RBM19: variants seen among roughly 807,000 people sequenced by gnomAD.
RBM19 encodes RNA binding motif protein 19, also known as probable RNA-binding protein 19.
RBM19 carries 94 observed loss-of-function variants against 116.8 expected under a neutral mutation model. The ratio of observed to expected loss-of-function variants is 0.80; its 90% CI spans 0.68 to 0.95. The LOEUF (loss-of-function observed/expected upper bound fraction) is 0.95. Among genes scored for constraint, RBM19 ranks in the 40% least tolerant of loss-of-function variants. The pLI is 0.00. For missense variants in RBM19, 1,161 were observed against 1,220.7 expected (o/e 0.95, Z 0.73); for synonymous variants, 475 against 494.1 (o/e 0.96, Z 0.51).
chr12:113,821,237 G>C (rs2135671201), downstream of RBM19, among the ~76,000 whole-genome samples: 1 of 152,286 alleles, frequency 6.6e-6, no homozygotes, highest in South Asian at 2.1e-4. Context: ...GGAGGTTCTA[G>C]AAGCATCCTC....
chr12:113,908,920 A>G (rs1008370976), intron 21 of RBM19, among the ~76,000 whole-genome samples: 4 of 152,246 alleles, frequency 2.6e-5, no homozygotes, highest in Admixed American at 2.6e-4. Context: ...CATGACAGTG[A>G]GCCAGTCAGA....
chr12:113,913,751 G>A (rs951608765), intron 21 of RBM19, among the ~76,000 whole-genome samples: 1 of 152,170 alleles, frequency 6.6e-6, no homozygotes, highest in South Asian at 2.1e-4. Flanking sequence ...CTTCACTCTT[G>A]GACCCTTGTG....
intron 22 of RBM19, among the ~76,000 whole-genome samples, chr12:113,851,278 C>A (rs1431168091): frequency 2.0e-5 from 3 of 152,202 alleles, no homozygotes; most frequent in African/African-American, 7.2e-5. Flanking sequence ...GACAAAGAGG[C>A]ACCTCTCCCT....
chr12:113,899,375 T>C (rs1881537344), intron 21 of RBM19, among the ~76,000 whole-genome samples: 1 of 152,168 alleles, frequency 6.6e-6, no homozygotes, highest in African/African-American at 2.4e-5. Context: ...ACCAGGTGCT[T>C]TACCAGCCTC....
intron 16 of RBM19, among the ~76,000 whole-genome samples, chr12:113,936,415 G>A (rs539089428): frequency 6.6e-6 from 1 of 152,220 alleles, no homozygotes; most frequent in Non-Finnish European, 1.5e-5. Context: ...CAAGGACTGG[G>A]GGCACTCGTG....
At chr12:113,916,325 T>G (rs1327364627) in intron 20 of RBM19, among the ~76,000 whole-genome samples, 1 of 152,170 alleles carries the variant, frequency 6.6e-6, no homozygotes, top group Non-Finnish European at 1.5e-5. Flanking sequence ...GAGAATTGCT[T>G]GAACCCAGGA....
intron 23 of RBM19, among the ~76,000 whole-genome samples, chr12:113,826,308 G>C (rs906121470): frequency 6.6e-6 from 1 of 152,220 alleles, no homozygotes; most frequent in Non-Finnish European, 1.5e-5. Flanking sequence ...ATCTGCTCTA[G>C]GAGGGCAGGG....
chr12:113,864,677 T>C (rs1386674350), intron 21 of RBM19, among the ~76,000 whole-genome samples: 1 of 152,196 alleles, frequency 6.6e-6, no homozygotes, highest in African/African-American at 2.4e-5. Context: ...CCTTCATCTA[T>C]AATGGGCAAT....
At position 113,868,201 on chromosome 12, in the gene RBM19, A is replaced by G. The variant is rs56155474; in HGVS notation, c.2559-9305T>C. On this transcript the variant is annotated intron_variant, in intron 21 of 23. Coordinates refer to ENST00000261741, the MANE Select transcript of RBM19 (RefSeq NM_016196.4). ...CTGCTTAAGGTATTTACCAAAATGT[A>G]CAAAGCTATTAAATGGTGAGACAGG... 5.8e-3 allele frequency among the ~76,000 whole-genome samples: 876 copies of G among 152,256 alleles called. 8 individuals carry two copies. The highest frequency in any genetic ancestry group is 0.02 in the African/African-American group (830 of 41,540).
At chr12:113,838,216 T>C (rs1226397958) in intron 23 of RBM19, among the ~76,000 whole-genome samples, 1 of 152,236 alleles carries the variant, frequency 6.6e-6, no homozygotes, top group African/African-American at 2.4e-5. Context: ...CCACTGAGAC[T>C]TGCCAATTCA....
intron 17 of RBM19, 69 bp from the exon 18 acceptor site, chr12:113,924,826 C>T (rs966934667): frequency 9.6e-6 from 13 of 1,348,314 alleles, no homozygotes; most frequent in East Asian, 6.9e-5. Flanking sequence ...ACCTGTCAAA[C>T]ACTATACCCC....
chr12:113,830,542 C>G (rs1269340949), intron 23 of RBM19, among the ~76,000 whole-genome samples: 1 of 119,028 alleles, frequency 8.4e-6, no homozygotes, highest in Non-Finnish European at 1.6e-5. Flanking sequence ...AGCCCTGATA[C>G]CCATGGAGTT....
chr12:113,947,147 C>A (rs3782460), intron 11 of RBM19, among the ~76,000 whole-genome samples, 187 bp downstream of exon 11: 1 of 152,058 alleles, frequency 6.6e-6, no homozygotes, highest in African/African-American at 2.4e-5. Context: ...CAGATCAGAC[C>A]GTGCCCTCAC....
intron 22 of RBM19, among the ~76,000 whole-genome samples, chr12:113,851,751 T>TA (rs398021124): frequency 1.3e-5 from 2 of 149,824 alleles, no homozygotes; most frequent in East Asian, 2.0e-4. Context: ...TTTTTTTTTT[T>TA]AATTTAAATT....
intron 22 of RBM19, among the ~76,000 whole-genome samples, chr12:113,856,551 G>C (rs1468127375): frequency 6.6e-6 from 1 of 152,178 alleles, no homozygotes; most frequent in African/African-American, 2.4e-5. Context: ...TTTGCTCTCT[G>C]CTCTCATCAA....
chr12:113,841,426 T>TC lies in RBM19; in HGVS notation c.2785+3241_2785+3242insG, dbSNP rs58788734. Among the ~76,000 whole-genome samples the TC allele has an allele frequency of 6.1e-3, 897 of 147,228 alleles. 11 individuals are homozygous for TC. The highest frequency in any genetic ancestry group is 0.025 in the East Asian group (127 of 5,112). On this transcript the variant is annotated intron_variant, in intron 23 of 23. Coordinates refer to ENST00000261741, the MANE Select transcript of RBM19 (RefSeq NM_016196.4). ...CTGGGACTTTCTTTTTCTTTTCTTT[T>TC]TTTTTTTTTTTTTTTGAGATGGAGT...
chr12:113,918,333 G>A (rs1255903188), intron 20 of RBM19, 59 bp downstream of exon 20: 47 of 1,570,576 alleles, frequency 3.0e-5, no homozygotes, highest in Middle Eastern at 1.7e-4. Flanking sequence ...AGGGTGGCCG[G>A]CACCAAGCAC....
intron 21 of RBM19, among the ~76,000 whole-genome samples, chr12:113,913,055 C>T (rs1882545734): frequency 6.6e-6 from 1 of 152,184 alleles, no homozygotes; most frequent in Admixed American, 6.5e-5. Flanking sequence ...TCAGTGGACA[C>T]TAATTCCCTG....
intron 21 of RBM19, among the ~76,000 whole-genome samples, chr12:113,859,273 G>A (rs1385808127): frequency 6.6e-6 from 1 of 152,238 alleles, no homozygotes; most frequent in African/African-American, 2.4e-5. Context: ...AGGGCAAGGG[G>A]CTGCCCATGT....
Sources: allele counts gnomAD v4.1 joint callset (sites outside exome capture counted in the v4.1 genomes callset), GRCh38; gene constraint gnomAD v4.1.1; transcripts MANE v1.5; gene names NCBI Gene and HGNC (gene_info 2026-07-23, HGNC 2026-07-21).